FLVCR1: variants seen among roughly 807,000 people sequenced by gnomAD.
The protein encoded by FLVCR1 is FLVCR choline and heme transporter 1, also known as choline/ethanolamine transporter FLVCR1.
FLVCR1 carries 34 observed loss-of-function variants against 53.6 expected under a neutral mutation model. The ratio of observed to expected loss-of-function variants is 0.63; its 90% CI spans 0.48 to 0.84. FLVCR1 has a LOEUF of 0.84. Ranked by LOEUF, FLVCR1 falls within the 40% of genes least tolerant of loss-of-function variation. The probability of loss-of-function intolerance (pLI) is 0.00; values close to 1 mark genes in which losing one functional copy is unlikely to be tolerated. For synonymous variants in FLVCR1, 300 were observed against 286.3 expected (o/e 1.05, Z -0.48); for missense variants, 677 against 696.7 (o/e 0.97, Z 0.32).
chr1:212,872,600 A>G lies in FLVCR1; in HGVS notation c.884-78A>G. ...TGTCTGCTCACTAAGAATGATACAT[A>G]TAATTACATATTGTAATATATAACA... On this transcript the variant is annotated intron_variant, in intron 2 of 9. Transcript: ENST00000366971. The G allele has an allele frequency of 7.3e-6, 7 of 958,578 alleles. No homozygotes were observed. In the Admixed American group the frequency reaches 8.6e-5, roughly 12 times the overall value. 59.4% of individuals were successfully genotyped at this position (958,578 alleles called of 1,614,324 possible). A position where few individuals can be genotyped will look rare whatever the true frequency, so the allele number is the denominator to read the frequency against.
chr1:212,888,589 G>A lies in FLVCR1; in HGVS notation c.1408G>A (p.Ala470Thr). 1 of 1,602,782 alleles carries A rather than the reference G, an allele frequency of 6.2e-7. No homozygotes were observed. Among genetic ancestry groups the A allele is most frequent in the Non-Finnish European group, 8.5e-7 (1 of 1,169,824 alleles). ...TTCATCTGGTCTTCTTAATGCTTCT[G>A]CACAGGTAAACCTCTGATTTCTCTA... Reference protein sequence around the residue: ...GTSSGLLNASAQIFGILFTLA... With the variant: ...GTSSGLLNASTQIFGILFTLA... The change falls in exon 7 of 10, where the codon GCA becomes ACA. Residue 470 changes from alanine to threonine, a missense_variant. Ala to Thr is a moderately conservative substitution (Grantham distance 58). Coordinates refer to ENST00000366971, the MANE Select transcript of FLVCR1 (RefSeq NM_014053.4).
rs1491202805 is a variant in FLVCR1 at position 212,865,980 on chromosome 1, G to GTT, written c.883+2111_883+2112insTT. Among the ~76,000 whole-genome samples, 10 of 32,124 alleles carry GTT rather than the reference G, an allele frequency of 3.1e-4. 2 individuals carry two copies. Among genetic ancestry groups the GTT allele is most frequent in the East Asian group, 0.011 (1 of 88 alleles). 21.1% of individuals were successfully genotyped at this position (32,124 alleles called of 152,430 possible). A position where few individuals can be genotyped will look rare whatever the true frequency, so the allele number is the denominator to read the frequency against. On this transcript the variant is annotated intron_variant, in intron 2 of 9. Coordinates refer to ENST00000366971, the MANE Select transcript of FLVCR1 (RefSeq NM_014053.4). Reference sequence around the variant, plus strand: ...GGCATTTGGCTAATTTTTGGGGTTTGGTTTTTTTTTTTTTTTTTTTTTGAG... The same window carrying GTT: ...GGCATTTGGCTAATTTTTGGGGTTTGTTGTTTTTTTTTTTTTTTTTTTTTGAG...
Position 212,859,125 on chromosome 1 carries a change from G to C in FLVCR1, c.673G>C (p.Ala225Pro). 6.2e-7 allele frequency: 1 copy of C among 1,613,938 alleles called. No individual in the cohort carries two copies. The highest frequency in any genetic ancestry group is 8.5e-7 in the Non-Finnish European group (1 of 1,180,022). ...CATCCTGGGCTTGCCCTCCCGCATC[G>C]CCTCAGTGTGGTTTGGGCCCAAAGA... is the stretch of plus-strand genomic sequence containing the variant. Reference protein sequence around the residue: ...VFILGLPSRIASVWFGPKEVS... With the variant: ...VFILGLPSRIPSVWFGPKEVS... The change falls in exon 1 of 10, where the codon GCC (alanine) becomes CCC (proline). Residue 225 changes from alanine to proline, a missense_variant. By Grantham distance (27) the Ala-to-Pro change is conservative. Coordinates refer to ENST00000366971, the MANE Select transcript of FLVCR1 (RefSeq NM_014053.4).
At chr1:212,874,689 C>T (rs1664706566) in intron 3 of FLVCR1, among the ~76,000 whole-genome samples, 1 of 151,696 alleles carries the variant, frequency 6.6e-6, no homozygotes, top group South Asian at 2.1e-4. Flanking sequence ...CCACCACGCC[C>T]AGCTAATTTT....
chr1:212,892,425 T>A (rs1190556243), intron 8 of FLVCR1, among the ~76,000 whole-genome samples: 1 of 152,222 alleles, frequency 6.6e-6, no homozygotes, highest in Non-Finnish European at 1.5e-5. Context: ...AGGCCAAATT[T>A]TCTCTGCCTA....
rs41300989 is a variant in FLVCR1, at chr1:212,889,357, T to C, written c.1525+100T>C. The C allele has an allele frequency of 3.8e-4, 292 of 775,906 alleles. 3 individuals are homozygous for C. The East Asian group carries it at 5.9e-3, about 16-fold the overall frequency. 48.1% of individuals were successfully genotyped at this position (775,906 alleles called of 1,614,324 possible). ...TTGACAGAACTCAAGGGGAAAAAAA[T>C]GAGATAAAAAGCAGGACATTATTTG... is the stretch of plus-strand genomic sequence containing the variant. On this transcript the variant is annotated intron_variant, in intron 8 of 9. Coordinates refer to ENST00000366971, the MANE Select transcript of FLVCR1 (RefSeq NM_014053.4).
intron 3 of FLVCR1, among the ~76,000 whole-genome samples, chr1:212,876,628 G>A (rs1055692726): frequency 6.6e-6 from 1 of 152,128 alleles, no homozygotes; most frequent in East Asian, 1.9e-4. Context: ...GCCTCCCAAA[G>A]TGCCAAGATT....
At chr1:212,874,915 G>A (rs187410790) in intron 3 of FLVCR1, among the ~76,000 whole-genome samples, 148 of 57,330 alleles carry the variant, frequency 2.6e-3, no homozygotes, top group African/African-American at 6.1e-3. Context: ...TGTCACAGAC[G>A]TACACACACA....
At chr1:212,887,424 T>G (rs554921624) in intron 5 of FLVCR1, among the ~76,000 whole-genome samples, 5 of 152,302 alleles carry the variant, frequency 3.3e-5, no homozygotes, top group Non-Finnish European at 7.4e-5. Context: ...CTTAAGATGT[T>G]TGTGGTCTAA....
intron 4 of FLVCR1, 38 bp from the exon 5 acceptor site, chr1:212,885,255 C>T (rs369338737): frequency 7.5e-7 from 1 of 1,325,614 alleles, no homozygotes; most frequent in Non-Finnish European, 1.1e-6. Context: ...TTAGTTAATC[C>T]ATTTATTTGA....
chr1:212,873,243 G>A (rs1664657997), intron 3 of FLVCR1, among the ~76,000 whole-genome samples: 1 of 151,550 alleles, frequency 6.6e-6, no homozygotes, highest in Non-Finnish European at 1.5e-5. Context: ...AACCTAGAAG[G>A]CAGAGGTGGC....
At chr1:212,889,446 C>T (rs1416197654) in intron 8 of FLVCR1, among the ~76,000 whole-genome samples, 189 bp downstream of exon 8, 8 of 152,164 alleles carry the variant, frequency 5.3e-5, no homozygotes, top group African/African-American at 1.9e-4. Flanking sequence ...TACAGTTACT[C>T]TGCATAGCAA....
chr1:212,877,261 G>A (rs1242286982), intron 3 of FLVCR1, among the ~76,000 whole-genome samples: 1 of 149,800 alleles, frequency 6.7e-6, no homozygotes, highest in African/African-American at 2.5e-5. Context: ...TCAGCCTCCT[G>A]TTGTTTATAT....
chr1:212,882,760 T>C (rs1664960334), intron 3 of FLVCR1, among the ~76,000 whole-genome samples: 2 of 150,790 alleles, frequency 1.3e-5, no homozygotes, highest in South Asian at 4.2e-4. Flanking sequence ...TCATAGCCAG[T>C]TGTTTTTATT....
intron 2 of FLVCR1, among the ~76,000 whole-genome samples, chr1:212,864,170 G>A (rs942775009): frequency 1.3e-5 from 2 of 152,112 alleles, no homozygotes; most frequent in African/African-American, 4.8e-5. Context: ...TCGCCTACAT[G>A]GTCTGCATCT....
chr1:212,888,735 A>G (rs1412166162), intron 7 of FLVCR1, 141 bp downstream of exon 7: 1 of 680,860 alleles, frequency 1.5e-6, no homozygotes, highest in Non-Finnish European at 2.6e-6. Flanking sequence ...TCCAAGCTGG[A>G]GTGCAGTAGT....
chr1:212,869,031 T>C (rs1005512549), intron 2 of FLVCR1, among the ~76,000 whole-genome samples: 3 of 152,222 alleles, frequency 2.0e-5, no homozygotes, highest in Non-Finnish European at 2.9e-5. Flanking sequence ...ATATGTAATA[T>C]ATGCCTGAAT....
intron 3 of FLVCR1, among the ~76,000 whole-genome samples, chr1:212,877,515 G>A (rs1458254597): frequency 2.6e-5 from 4 of 151,748 alleles, no homozygotes; most frequent in African/African-American, 4.8e-5. Flanking sequence ...GCCTGGCCAT[G>A]AATGTCTTTT....
rs1664147889 is a variant in FLVCR1 at position 212,859,328 on chromosome 1, A to G, written c.738+138A>G. 5.4e-5 allele frequency: 71 copies of G among 1,321,780 alleles called. No individual in the cohort carries two copies. The South Asian group carries it at 8.3e-4, about 15-fold the overall frequency. 81.9% of individuals were successfully genotyped at this position (1,321,780 alleles called of 1,614,324 possible). On this transcript the variant is annotated intron_variant, in intron 1 of 9. Coordinates refer to ENST00000366971, the MANE Select transcript of FLVCR1 (RefSeq NM_014053.4). ...AAAAGAGGAGATGAAGCCGTTGAAT[A>G]GGAGGCCGTCTTGGATTGAAGTGGG...
Sources: gnomAD v4.1 joint callset for allele counts (sites outside exome capture counted in the v4.1 genomes callset) on GRCh38, gnomAD v4.1.1 for gene constraint, MANE v1.5 for transcripts, NCBI Gene and HGNC (gene_info 2026-07-23, HGNC 2026-07-21) for gene names.